The following CEP97 variants were observed in gnomAD, a reference collection of about 807,000 sequenced individuals.
The protein encoded by CEP97 is centrosomal protein 97.
CEP97 carries 43 observed loss-of-function variants against 73.1 expected under a neutral mutation model. The ratio of observed to expected loss-of-function variants is 0.59; its 90% CI spans 0.46 to 0.76. The LOEUF (loss-of-function observed/expected upper bound fraction) is 0.76. CEP97 is among the 30% of genes least tolerant of loss of function. CEP97 has a pLI of 0.00. For missense variants in CEP97, 939 were observed against 1,014.0 expected (o/e 0.93, Z 1.00); for synonymous variants, 337 against 370.0 (o/e 0.91, Z 1.02).
At chr3:101,726,448 T>C in intron 1 of CEP97, 146 bp from the exon 2 acceptor site, 1 of 470,496 alleles carries the variant, frequency 2.1e-6, no homozygotes, top group Non-Finnish European at 3.5e-6. Context: ...TCAAGATTGC[T>C]TTAATTTTAC....
At chr3:101,729,070 A>G in intron 4 of CEP97, 133 bp downstream of exon 4, 1 of 615,760 alleles carries the variant, frequency 1.6e-6, no homozygotes, top group Non-Finnish European at 2.9e-6. Context: ...TGGGCTGGGC[A>G]TGGTGGGTCA....
Position 101,727,381 on chromosome 3 carries a change from A to T in CEP97, c.187-2A>T, listed in dbSNP as rs757656908. On this transcript the variant is annotated splice_acceptor_variant, in intron 2 of 10. Transcript: ENST00000341893. LOFTEE classifies it high-confidence loss of function. Reference sequence around the variant, plus strand: ...AAATAACAATATGTTTCCTTTTTACAGTTATCAGTAGCTAATAATCGGCTG... The same window carrying T: ...AAATAACAATATGTTTCCTTTTTACTGTTATCAGTAGCTAATAATCGGCTG... The T allele has an allele frequency of 1.2e-6, 2 of 1,605,050 alleles. No individual in the cohort carries two copies.
chr3:101,741,159 A>T (rs968751471), intron 6 of CEP97, among the ~76,000 whole-genome samples: 1 of 152,194 alleles, frequency 6.6e-6, no homozygotes, highest in Non-Finnish European at 1.5e-5. Flanking sequence ...ACCTGCAAGC[A>T]ATGGGGAAAG....
chr3:101,751,731 C>T (rs1021179052), intron 6 of CEP97, among the ~76,000 whole-genome samples: 11 of 152,152 alleles, frequency 7.2e-5, no homozygotes, highest in Admixed American at 5.9e-4. Flanking sequence ...ACTAGGATTG[C>T]AACCCCTGCC....
chr3:101,757,293 G>A (rs1376666701), intron 8 of CEP97, 97 bp downstream of exon 8: 4 of 1,369,930 alleles, frequency 2.9e-6, no homozygotes, highest in Non-Finnish European at 9.9e-7. Flanking sequence ...ATAATTTTTT[G>A]TTAGTTTACT....
intron 1 of CEP97, among the ~76,000 whole-genome samples, chr3:101,725,031 C>CT (rs1447026613): frequency 6.6e-6 from 1 of 152,224 alleles, no homozygotes; most frequent in Non-Finnish European, 1.5e-5. Context: ...CTTTCTTGAC[C>CT]ATTTACTTTG....
intron 6 of CEP97, among the ~76,000 whole-genome samples, chr3:101,752,496 A>G (rs748798255): frequency 1.6e-4 from 25 of 152,212 alleles, no homozygotes; most frequent in Non-Finnish European, 2.6e-4. Context: ...GTGTTTTCCA[A>G]CTTGGTTCCA....
chr3:101,753,501 C>G (rs961746833), intron 6 of CEP97, among the ~76,000 whole-genome samples: 3 of 152,228 alleles, frequency 2.0e-5, no homozygotes, highest in Non-Finnish European at 4.4e-5. Flanking sequence ...TGCCCTGCCC[C>G]CAGAGGTGGA....
At position 101,727,490 on chromosome 3, in the gene CEP97, A is replaced by G. The variant is rs756439484; in HGVS notation, c.294A>G (p.Leu98=). Residue 98 remains leucine, a synonymous_variant, in exon 3 of 11, where the codon CTA becomes CTG. Coordinates refer to ENST00000341893, the MANE Select transcript of CEP97 (RefSeq NM_024548.4). ...ATAGCATTGGCTGTGTGGAAGGGCT[A>G]AAGGAACTAGTACATCTGGAATGGC... ...PHNSIGCVEG[L]KELVHLEWLN... is the part of the protein sequence containing the mutation. 11 of 1,613,636 alleles carry G rather than the reference A, an allele frequency of 6.8e-6. No homozygotes were observed. In the South Asian group the frequency reaches 7.7e-5, roughly 11 times the overall value.
intron 6 of CEP97, among the ~76,000 whole-genome samples, chr3:101,747,437 T>G (rs1428512444): frequency 6.6e-6 from 1 of 151,792 alleles, no homozygotes; most frequent in Non-Finnish European, 1.5e-5. Flanking sequence ...TTTTTTGTGT[T>G]TTTAGTAGAG....
rs1407647774 is a variant in CEP97 at position 101,766,000 on chromosome 3, G to A, written c.*449G>A. ...AAGCAAATATAAATGAGAAATATGA[G>A]GATTGTGAATTATTGAAATTTGCCA... On this transcript the variant is annotated 3_prime_UTR_variant, in exon 11 of 11. Transcript: ENST00000341893. 3 of 152,342 alleles carry A rather than the reference G, an allele frequency of 2.0e-5. No homozygotes were observed. The highest frequency in any genetic ancestry group is 2.9e-5 in the Non-Finnish European group (2 of 68,094). 9.4% of individuals were successfully genotyped at this position (152,342 alleles called of 1,614,324 possible). A position where few individuals can be genotyped will look rare whatever the true frequency, so the allele number is the denominator to read the frequency against.
chr3:101,732,660 C>T lies in CEP97; in HGVS notation c.728+6C>T. On this transcript the variant is annotated splice_donor_region_variant and intron_variant, in intron 6 of 10. Transcript: ENST00000341893. ...GTGATTTCTCAGAAGGAAAGGTAAA[C>T]ATGTGCTCTTTAACATCACAAATGT... 1 of 1,596,910 alleles carries T rather than the reference C, an allele frequency of 6.3e-7. No homozygotes were observed. Among genetic ancestry groups the T allele is most frequent in the Non-Finnish European group, 8.6e-7 (1 of 1,167,740 alleles).
Position 101,767,298 on chromosome 3 carries a change from C to T in CEP97, c.*1747C>T, listed in dbSNP as rs188396206. 4.6e-5 allele frequency: 7 copies of T among 152,224 alleles called. No homozygotes were observed. In the East Asian group the frequency reaches 1.3e-3, roughly 29 times the overall value. 9.4% of individuals were successfully genotyped at this position (152,224 alleles called of 1,614,324 possible). ...ATTTTCCTTAGTGAAACATGTGTAA[C>T]ATTGAATGCATGTTAAATAAAAATG... On this transcript the variant is annotated 3_prime_UTR_variant, in exon 11 of 11. Transcript: ENST00000341893.
chr3:101,756,034 C>T lies in CEP97; in HGVS notation c.893+440C>T, dbSNP rs905012242. ...AGGTATGAGCTACTACACCAGGAAA[C>T]GGGATAGGATTTTTAAAAAATATAT... On this transcript the variant is annotated intron_variant, in intron 7 of 10. Coordinates refer to ENST00000341893, the MANE Select transcript of CEP97 (RefSeq NM_024548.4). 7.7e-4 allele frequency among the ~76,000 whole-genome samples: 117 copies of T among 151,614 alleles called. 2 individuals carry two copies. The highest frequency in any genetic ancestry group is 7.5e-3 in the Admixed American group (114 of 15,216).
intron 3 of CEP97, among the ~76,000 whole-genome samples, chr3:101,728,542 G>T (rs9809162): frequency 0.3 from 46,173 of 151,698 alleles, 7,512 homozygotes; most frequent in Middle Eastern, 0.44. Context: ...GGGATTACAG[G>T]TGTGAGCCAT....
At chr3:101,741,486 C>T (rs1938448928) in intron 6 of CEP97, among the ~76,000 whole-genome samples, 1 of 152,132 alleles carries the variant, frequency 6.6e-6, no homozygotes, top group Non-Finnish European at 1.5e-5. Context: ...AGGCAACCTA[C>T]AGAATGGGAG....
chr3:101,757,783 A>G lies in CEP97; in HGVS notation c.1177A>G (p.Lys393Glu), dbSNP rs765696975. 19 of 1,614,236 alleles carry G rather than the reference A, an allele frequency of 1.2e-5. No individual in the cohort carries two copies. The highest frequency in any genetic ancestry group is 1.4e-5 in the Non-Finnish European group (16 of 1,180,044). Reference protein sequence around the residue: ...HLEDIQTDEDKLNCSLLSSES... With the variant: ...HLEDIQTDEDELNCSLLSSES... ...GGAAGACATACAGACGGATGAGGAC[A>G]AGTTAAACTGTAGTCTTCTCTCTTC... Residue 393 changes from lysine (K) to glutamate (E), a missense_variant, in exon 9 of 11, where the codon AAG becomes GAG. Transcript: ENST00000341893.
chr3:101,756,172 G>A (rs746641962), intron 7 of CEP97, among the ~76,000 whole-genome samples: 24 of 150,558 alleles, frequency 1.6e-4, no homozygotes, highest in Non-Finnish European at 3.1e-4. Context: ...TGATTCTCGG[G>A]TCTAAGCCTC....
At chr3:101,745,206 G>A (rs1938575922) in intron 6 of CEP97, among the ~76,000 whole-genome samples, 1 of 152,176 alleles carries the variant, frequency 6.6e-6, no homozygotes, top group African/African-American at 2.4e-5. Flanking sequence ...GAACCTTGGA[G>A]AAAGTTAATA....
Sources: gnomAD v4.1 joint callset for allele counts (sites outside exome capture counted in the v4.1 genomes callset) on GRCh38, gnomAD v4.1.1 for gene constraint, MANE v1.5 for transcripts, NCBI Gene and HGNC (gene_info 2026-07-23, HGNC 2026-07-21) for gene names.